GGNBP2: variants seen among roughly 807,000 people sequenced by gnomAD.
The protein encoded by GGNBP2 is gametogenetin binding protein 2.
Under a neutral mutation model 85.9 loss-of-function variants are expected in GGNBP2, and 10 were observed. The observed-to-expected ratio is 0.12, with a 90% confidence interval of 0.07 to 0.20. The LOEUF is 0.20. Among genes scored for constraint, GGNBP2 ranks in the 10% least tolerant of loss-of-function variants. The probability of loss-of-function intolerance (pLI) is 1.00; values close to 1 mark genes in which losing one functional copy is unlikely to be tolerated. For synonymous variants in GGNBP2, 287 were observed against 285.7 expected, an observed-to-expected ratio of 1.00 and a Z score of -0.05; for missense variants, 595 against 857.8, an observed-to-expected ratio of 0.69 and a Z score of 3.83.
Position 36,545,708 on chromosome 17 carries a change from C to A in GGNBP2, c.-17C>A, listed in dbSNP as rs772611133. On this transcript the variant is annotated 5_prime_UTR_variant, in exon 2 of 14. Transcript: ENST00000613102. ...TGGGAGGAGGTGGTGACGGTGGCAA[C>A]GGCAGCGTCGGGGACGATGGCGCGA... 1 of 1,555,944 alleles carries A rather than the reference C, an allele frequency of 6.4e-7. No homozygotes were observed. The highest frequency in any genetic ancestry group is 8.7e-7 in the Non-Finnish European group (1 of 1,148,768).
At chr17:36,547,066 G>A (rs2074262310) in intron 2 of GGNBP2, 1 of 152,174 alleles carries the variant, frequency 6.6e-6, no homozygotes, top group Admixed American at 6.5e-5. Context: ...ATGAAAAAAG[G>A]TAGAATGATT....
chr17:36,582,126 A>G (rs2074657166), intron 9 of GGNBP2: 1 of 152,080 alleles, frequency 6.6e-6, no homozygotes, highest in African/African-American at 2.4e-5. Context: ...CAATTCTCCC[A>G]CCTCAGCCTC....
chr17:36,559,321 AGAAT>A (rs1432171902), intron 4 of GGNBP2, among the ~76,000 whole-genome samples: 19 of 148,820 alleles, frequency 1.3e-4, no homozygotes, highest in African/African-American at 3.8e-4. Flanking sequence ...AAAAAAAAAA[AGAAT>A]GGGCAAATGG....
chr17:36,545,295 G>A (rs2074238196), intron 1 of GGNBP2, among the ~76,000 whole-genome samples, 198 bp downstream of exon 1: 1 of 151,582 alleles, frequency 6.6e-6, no homozygotes, highest in Admixed American at 6.6e-5. Context: ...CAGGCTGCGG[G>A]GCCCAGGCCA....
At position 36,557,315 on chromosome 17, in the gene GGNBP2, A is replaced by C. The variant is rs759986294; in HGVS notation, c.407A>C (p.Tyr136Ser). The C allele has an allele frequency of 1.2e-6, 2 of 1,613,466 alleles. No homozygotes were observed. Among genetic ancestry groups the C allele is most frequent in the African/African-American group, 2.7e-5 (2 of 74,922 alleles). The part of the protein sequence containing the change: ...RSCMTDAKKL[Y>S]TLFYVHGSKL... ...TGCATGACTGATGCAAAGAAGCTTTATACATTATTTTATGTACATGGGTAA... is the reference window on the plus strand; with the variant it reads ...TGCATGACTGATGCAAAGAAGCTTTCTACATTATTTTATGTACATGGGTAA... Residue 136 changes from tyrosine to serine, a missense_variant, in exon 4 of 14, where the codon TAT becomes TCT. By Grantham distance (144) the Tyr-to-Ser change is moderately radical (BLOSUM62 -2). Coordinates refer to ENST00000613102, the MANE Select transcript of GGNBP2 (RefSeq NM_024835.5).
At chr17:36,588,605 T>A (rs115219370) in intron 13 of GGNBP2, among the ~76,000 whole-genome samples, 10,795 of 144,730 alleles carry the variant, frequency 0.075, 661 homozygotes, top group African/African-American at 0.17. Context: ...TATTTATTTA[T>A]TTTTTTTTTT....
chr17:36,562,394 C>T (rs1019104691), intron 5 of GGNBP2, among the ~76,000 whole-genome samples: 1 of 151,926 alleles, frequency 6.6e-6, no homozygotes, highest in East Asian at 2.0e-4. Flanking sequence ...ATCTCAAACT[C>T]CTGGCCTCAA....
At chr17:36,555,793 A>G (rs2074355710) in intron 3 of GGNBP2, among the ~76,000 whole-genome samples, 1 of 152,238 alleles carries the variant, frequency 6.6e-6, no homozygotes, top group African/African-American at 2.4e-5. Context: ...TACAATGTAA[A>G]TGCTGTGTAA....
intron 2 of GGNBP2, among the ~76,000 whole-genome samples, chr17:36,550,884 A>G (rs1567816664): frequency 1.3e-5 from 2 of 152,206 alleles, no homozygotes; most frequent in Non-Finnish European, 2.9e-5. Flanking sequence ...ATGAAGAACA[A>G]ATTGTGCTAC....
chr17:36,581,657 T>A, intron 9 of GGNBP2, 119 bp downstream of exon 9: 1 of 616,012 alleles, frequency 1.6e-6, no homozygotes, highest in South Asian at 2.6e-5. Flanking sequence ...AGGGTGGAGG[T>A]ATCACTTGAG....
Position 36,575,648 on chromosome 17 carries a change from A to ATATTT in GGNBP2, c.642-2334_642-2333insATTTT, listed in dbSNP as rs374366757. 4.7e-3 allele frequency among the ~76,000 whole-genome samples: 257 copies of ATATTT among 54,852 alleles called. 4 individuals are homozygous for ATATTT. The highest frequency in any genetic ancestry group is 6.2e-3 in the African/African-American group (57 of 9,182). The allele number at this position is 54,852 out of a possible 152,430, so 36.0% of individuals were successfully genotyped here. On this transcript the variant is annotated intron_variant, in intron 6 of 13. Transcript: ENST00000613102. ...TATATATATATATATATATATATATATTTTTTTTTTTTTTTGAGATGGAGT... is the reference window on the plus strand; with the variant it reads ...TATATATATATATATATATATATATATATTTTTTTTTTTTTTTTTTGAGATGGAGT...
chr17:36,557,278 G>A lies in GGNBP2; in HGVS notation c.370G>A (p.Val124Ile). The stretch of plus-strand genomic sequence containing the variant: ...AGTAGGGCCCAAGGGAGTCCTGTCT[G>A]TAACTAGAAGCTGCATGACTGATGC... ...LTVGPKGVLS[V>I]TRSCMTDAKK... The change falls in exon 4 of 14, where the codon GTA becomes ATA. Residue 124 changes from valine (V) to isoleucine (I), a missense_variant. Val to Ile is a conservative substitution (Grantham distance 29). This residue lies in a region of GGNBP2 where 216 missense variants were observed against 293.4 expected (regional missense o/e 0.74). Coordinates refer to ENST00000613102, the MANE Select transcript of GGNBP2 (RefSeq NM_024835.5). 1 of 1,613,960 alleles carries A rather than the reference G, an allele frequency of 6.2e-7. No homozygotes were observed. Among genetic ancestry groups the A allele is most frequent in the Non-Finnish European group, 8.5e-7 (1 of 1,179,864 alleles).
At chr17:36,587,402 C>A (rs2074713370) in intron 13 of GGNBP2, 157 bp downstream of exon 13, 1 of 794,710 alleles carries the variant, frequency 1.3e-6, no homozygotes, top group Non-Finnish European at 2.1e-6. Flanking sequence ...CATTTCTGTC[C>A]TTCCACTCGT....
chr17:36,578,480 G>T, intron 7 of GGNBP2: 1 of 333,606 alleles, frequency 3.0e-6, no homozygotes, highest in Admixed American at 4.4e-5. Flanking sequence ...ATGATTAGAA[G>T]GGATTTTTCT....
In GGNBP2 at chr17:36,589,377, G is replaced by A; in HGVS notation, c.2060G>A (p.Cys687Tyr). 1 of 1,613,992 alleles carries A rather than the reference G, an allele frequency of 6.2e-7. No homozygotes were observed. The highest frequency in any genetic ancestry group is 8.5e-7 in the Non-Finnish European group (1 of 1,179,906). The change falls in exon 14 of 14, where the codon TGT (cysteine) becomes TAT (tyrosine). Residue 687 changes from cysteine to tyrosine, a missense_variant. By Grantham distance (194) the Cys-to-Tyr change is radical (BLOSUM62 -2). Around this residue, in one of 9 missense-constraint regions of GGNBP2, gnomAD observed 26 missense variants for 26.9 expected, o/e 0.97. Transcript: ENST00000613102. Reference sequence around the variant, plus strand: ...TTAAATGATCACAAGAGGCCCATTTGTAGTGGCTGGTTGACAACGGCTGGA... The same window carrying A: ...TTAAATGATCACAAGAGGCCCATTTATAGTGGCTGGTTGACAACGGCTGGA... ...CRLNDHKRPI[C>Y]SGWLTTAGAN
chr17:36,575,669 G>A (rs1423249319), intron 6 of GGNBP2, among the ~76,000 whole-genome samples: 3 of 76,272 alleles, frequency 3.9e-5, no homozygotes, highest in Admixed American at 1.5e-4. Flanking sequence ...TTTTTGAGAT[G>A]GAGTTTCGCT....
At chr17:36,546,356 A>G (rs2074255165) in intron 2 of GGNBP2, 1 of 169,860 alleles carries the variant, frequency 5.9e-6, no homozygotes, top group Non-Finnish European at 1.2e-5. Context: ...CGTATTGCCT[A>G]ATGCATTAAA....
At position 36,545,766 on chromosome 17, in the gene GGNBP2, G is replaced by A. The variant is rs972529897; in HGVS notation, c.42G>A (p.Glu14=). 14 of 1,583,716 alleles carry A rather than the reference G, an allele frequency of 8.8e-6. No homozygotes were observed. The highest frequency in any genetic ancestry group is 1.8e-5 in the Admixed American group (1 of 55,684). The change falls in exon 2 of 14, where the codon GAG becomes GAA. Residue 14 remains glutamate (E), a synonymous_variant. Transcript: ENST00000613102. ...LVAVCRDGEE[E]FPFERRQIPL... ...CAGTGTGCAGGGACGGGGAGGAGGA[G>A]TTCCCCTTCGAGAGGAGGCAGATTC... is the stretch of plus-strand genomic sequence containing the variant.
At chr17:36,575,623 TA>T (rs2074569463) in intron 6 of GGNBP2, among the ~76,000 whole-genome samples, 2 of 67,770 alleles carry the variant, frequency 3.0e-5, no homozygotes, top group South Asian at 9.9e-4. Context: ...CATATATATA[TA>T]TATATATATA....
Sources: gnomAD v4.1 joint callset for allele counts (sites outside exome capture counted in the v4.1 genomes callset) on GRCh38, gnomAD v4.1.1 for gene constraint, gnomAD v4.1.1 regional missense constraint, MANE v1.5 for transcripts, NCBI Gene and HGNC (gene_info 2026-07-23, HGNC 2026-07-21) for gene names.